GPAT3: variants seen among roughly 807,000 people sequenced by gnomAD.
The protein encoded by GPAT3 is glycerol-3-phosphate acyltransferase 3, also known as 1-AGP acyltransferase 9.
Under a neutral mutation model 58.8 loss-of-function variants are expected in GPAT3, and 53 were observed. The ratio of observed to expected loss-of-function variants is 0.90; its 90% CI spans 0.72 to 1.13. GPAT3 has a LOEUF of 1.13. Among genes scored for constraint, GPAT3 ranks in the 50% most tolerant of loss-of-function variants. The pLI is 0.00. For missense variants in GPAT3, 511 were observed against 527.6 expected (o/e 0.97, Z 0.31); for synonymous variants, 197 against 187.4 (o/e 1.05, Z -0.42).
intron 2 of GPAT3, among the ~76,000 whole-genome samples, chr4:83,579,092 T>C (rs1324065070): frequency 9.7e-6 from 1 of 103,532 alleles, no homozygotes; most frequent in African/African-American, 3.4e-5. Context: ...CCTTCCTTCC[T>C]TCCTTCCTTC....
At chr4:83,570,496 G>A (rs1438319913) in intron 2 of GPAT3, among the ~76,000 whole-genome samples, 4 of 140,072 alleles carry the variant, frequency 2.9e-5, no homozygotes, top group Non-Finnish European at 4.5e-5. Flanking sequence ...TTTTTGAGAC[G>A]GAGTCTTGCT....
chr4:83,591,622 A>G (rs1307219883), intron 6 of GPAT3, among the ~76,000 whole-genome samples: 2 of 152,194 alleles, frequency 1.3e-5, no homozygotes, highest in African/African-American at 4.8e-5. Context: ...AGACCATCCA[A>G]GGACCCTCAT....
intron 2 of GPAT3, among the ~76,000 whole-genome samples, chr4:83,566,188 A>G (rs981446799): frequency 6.6e-6 from 1 of 152,086 alleles, no homozygotes; most frequent in Non-Finnish European, 1.5e-5. Flanking sequence ...CTGGCATCCC[A>G]GAAACTCTCT....
At chr4:83,566,953 G>T (rs1725417602) in intron 2 of GPAT3, among the ~76,000 whole-genome samples, 1 of 151,860 alleles carries the variant, frequency 6.6e-6, no homozygotes, top group Non-Finnish European at 1.5e-5. Flanking sequence ...AATAATTGTT[G>T]TTCATGTATA....
At chr4:83,577,738 A>G (rs1257093006) in intron 2 of GPAT3, among the ~76,000 whole-genome samples, 1 of 148,248 alleles carries the variant, frequency 6.7e-6, no homozygotes, top group African/African-American at 2.5e-5. Flanking sequence ...ACATTATCAG[A>G]TTAAACATCT....
intron 2 of GPAT3, among the ~76,000 whole-genome samples, chr4:83,579,067 TTTCTTTCTTTCTTCCC>T (rs1242777782): frequency 1.3e-4 from 4 of 30,416 alleles, no homozygotes; most frequent in Non-Finnish European, 1.9e-4. Context: ...TCTTTCTTTC[TTTCTTTCTTTCTTCCC>T]TTCCTTCCTT....
At chr4:83,541,492 A>T (rs1724303258) in intron 1 of GPAT3, among the ~76,000 whole-genome samples, 1 of 140,848 alleles carries the variant, frequency 7.1e-6, no homozygotes, top group Non-Finnish European at 1.5e-5. Flanking sequence ...TTGGCCTCCC[A>T]AAGTATTGTG....
chr4:83,556,633 A>G (rs926781838), intron 2 of GPAT3, among the ~76,000 whole-genome samples: 1 of 152,114 alleles, frequency 6.6e-6, no homozygotes, highest in Admixed American at 6.5e-5. Flanking sequence ...TATGCATCAA[A>G]ACTCACAGTT....
In GPAT3 at chr4:83,604,820, C is replaced by T; in HGVS notation, c.*53C>T. ...GAACTAGCCCTTAGAAATGGAATGG[C>T]TTTTTTTGTTTTGTTTTGTTTTATT... On this transcript the variant is annotated 3_prime_UTR_variant, in exon 12 of 12. Transcript: ENST00000264409. 7.6e-7 allele frequency: 1 copy of T among 1,323,716 alleles called. No homozygotes were observed. The highest frequency in any genetic ancestry group is 2.1e-5 in the Admixed American group (1 of 47,038). The allele number at this position is 1,323,716 out of a possible 1,614,324, so 82.0% of individuals were successfully genotyped here. A position where few individuals can be genotyped will look rare whatever the true frequency, so the allele number is the denominator to read the frequency against.
intron 2 of GPAT3, among the ~76,000 whole-genome samples, chr4:83,575,183 A>T (rs575512994): frequency 2.6e-5 from 4 of 151,948 alleles, no homozygotes; most frequent in Admixed American, 1.3e-4. Context: ...GCCAACGGAC[A>T]TTTCTTGATG....
At chr4:83,581,247 T>C (rs1044488499) in intron 2 of GPAT3, among the ~76,000 whole-genome samples, 2 of 150,682 alleles carry the variant, frequency 1.3e-5, no homozygotes, top group African/African-American at 4.9e-5. Flanking sequence ...GGGAGAATTT[T>C]GTGTGTGTGT....
At chr4:83,579,070 CTTTCTTT>C (rs1560621310) in intron 2 of GPAT3, among the ~76,000 whole-genome samples, 2 of 35,712 alleles carry the variant, frequency 5.6e-5, no homozygotes, top group Non-Finnish European at 5.8e-5. Context: ...TTCTTTCTTT[CTTTCTTT>C]CTTCCCTTCC....
At chr4:83,599,687 T>C (rs924920200) in intron 11 of GPAT3, among the ~76,000 whole-genome samples, 2 of 152,210 alleles carry the variant, frequency 1.3e-5, no homozygotes, top group African/African-American at 4.8e-5. Flanking sequence ...ATTTTAGTTA[T>C]GGATCACTAT....
intron 6 of GPAT3, among the ~76,000 whole-genome samples, chr4:83,592,388 C>G (rs1726635788): frequency 6.6e-6 from 1 of 152,196 alleles, no homozygotes; most frequent in Non-Finnish European, 1.5e-5. Context: ...CTCCAGACAT[C>G]ATAATTGGCC....
Position 83,536,474 on chromosome 4 carries a change from GT to G in GPAT3, c.-142del, listed in dbSNP as rs898808753. The G allele has an allele frequency of 5.5e-6, 8 of 1,460,354 alleles. No individual in the cohort carries two copies. The South Asian group carries it at 6.0e-5, about 11-fold the overall frequency. 90.5% of individuals were successfully genotyped at this position (1,460,354 alleles called of 1,614,324 possible). A position where few individuals can be genotyped will look rare whatever the true frequency, so the allele number is the denominator to read the frequency against. On this transcript the variant is annotated 5_prime_UTR_variant, in exon 1 of 12. Transcript: ENST00000264409. ...GAAGGATATTGCCGTAATTCTGAAA[GT>G]TTTTTTCCTTCCTCTCTTCCCTTCG...
intron 2 of GPAT3, among the ~76,000 whole-genome samples, chr4:83,554,322 G>C (rs1411983210): frequency 6.6e-6 from 1 of 152,088 alleles, no homozygotes; most frequent in African/African-American, 2.4e-5. Context: ...GATAGGAGCA[G>C]ACCTCTTAGC....
rs371017899 is a variant in GPAT3 at position 83,581,517 on chromosome 4, T to C, written c.209-45T>C. ...TTAAAGTTGCCCTTTTGGTCAATTC[T>C]TCTGTCGTATGGCATTTTCTCATGT... On this transcript the variant is annotated intron_variant, in intron 2 of 11. Coordinates refer to ENST00000264409, the MANE Select transcript of GPAT3 (RefSeq NM_032717.5). 23 of 1,575,616 alleles carry C rather than the reference T, an allele frequency of 1.5e-5. No homozygotes were observed. In the African/African-American group the frequency reaches 2.4e-4, roughly 17 times the overall value.
At position 83,536,145 on chromosome 4, in the gene GPAT3, C is replaced by T; in HGVS notation, c.-478C>T. 4 of 985,840 alleles carry T rather than the reference C, an allele frequency of 4.1e-6. No individual in the cohort carries two copies. Among genetic ancestry groups the T allele is most frequent in the African/African-American group, 1.7e-5 (1 of 57,398 alleles). The allele number at this position is 985,840 out of a possible 1,614,324, so 61.1% of individuals were successfully genotyped here. On this transcript the variant is annotated 5_prime_UTR_variant, in exon 1 of 12. Transcript: ENST00000264409. ...AGCCCGCGGCCCGGTGCCAGCTCCG[C>T]CGGCGACCGGTGTGCCAAAGTGCGG...
chr4:83,575,515 C>A (rs1168525457), intron 2 of GPAT3, among the ~76,000 whole-genome samples: 2 of 152,166 alleles, frequency 1.3e-5, no homozygotes, highest in Admixed American at 6.5e-5. Flanking sequence ...CGAGTTCACA[C>A]CATTCTCCTG....
Sources: gnomAD v4.1 joint callset for allele counts (sites outside exome capture counted in the v4.1 genomes callset) on GRCh38, gnomAD v4.1.1 for gene constraint, MANE v1.5 for transcripts, NCBI Gene and HGNC (gene_info 2026-07-23, HGNC 2026-07-21) for gene names.